Variants in SAMD3 observed in about 807,000 individuals in gnomAD.
The protein encoded by SAMD3 is sterile alpha motif domain containing 3, also known as sterile alpha motif domain-containing protein 3.
SAMD3 carries 63 observed loss-of-function variants against 58.5 expected under a neutral mutation model. The observed-to-expected ratio is 1.08, with a 90% CI of 0.88 to 1.33. The LOEUF is 1.33. Among genes scored for constraint, SAMD3 ranks in the 40% most tolerant of loss-of-function variants. The pLI is 0.00. For missense variants in SAMD3, 604 were observed against 608.4 expected, an observed-to-expected ratio of 0.99 and a Z score of 0.08; for synonymous variants, 220 against 210.3, an observed-to-expected ratio of 1.05 and a Z score of -0.40.
intron 5 of SAMD3, among the ~76,000 whole-genome samples, chr6:130,200,537 A>G (rs1794552600): frequency 7.4e-6 from 1 of 135,320 alleles, no homozygotes; most frequent in Non-Finnish European, 1.5e-5. Context: ...CAATGGAGCC[A>G]GACTCTGTCC....
In SAMD3 at chr6:130,216,366, T is replaced by A. The variant is rs1796002771; in HGVS notation, c.-22+205A>T. Among the ~76,000 whole-genome samples the A allele has an allele frequency of 2.0e-5, 3 of 152,208 alleles. No individual in the cohort carries two copies. The South Asian group carries it at 6.2e-4, about 32-fold the overall frequency. ...TTTACTTGCAAATTAAGATACTGAC[T>A]ATTCTGTAAAGACCAAGGAAAAAGC... On this transcript the variant is annotated intron_variant, in intron 2 of 11. Transcript: ENST00000439090.
intron 7 of SAMD3, among the ~76,000 whole-genome samples, chr6:130,179,583 G>C (rs1481114217): frequency 5.6e-5 from 8 of 141,992 alleles, no homozygotes. Flanking sequence ...AAATAAAAAA[G>C]GGTATGGAGA....
At chr6:130,221,055 T>C (rs141856523) in intron 1 of SAMD3, among the ~76,000 whole-genome samples, 3,113 of 151,914 alleles carry the variant, frequency 0.02, 65 homozygotes, top group Non-Finnish European at 0.032. Flanking sequence ...GGGGTTTCAC[T>C]GTGTTAGCCA....
intron 1 of SAMD3, among the ~76,000 whole-genome samples, chr6:130,337,761 C>T (rs765470551): frequency 3.9e-5 from 6 of 152,188 alleles, no homozygotes; most frequent in Non-Finnish European, 7.3e-5. Flanking sequence ...AACAAAGAGA[C>T]TGGTGGCATT....
At chr6:130,207,728 C>T (rs926203595) in intron 5 of SAMD3, among the ~76,000 whole-genome samples, 1 of 152,214 alleles carries the variant, frequency 6.6e-6, no homozygotes, top group East Asian at 1.9e-4. Flanking sequence ...ATGGATTTTG[C>T]ACCTACGACA....
intron 5 of SAMD3, among the ~76,000 whole-genome samples, chr6:130,206,684 G>A (rs1034380725): frequency 1.3e-5 from 2 of 152,192 alleles, no homozygotes; most frequent in Non-Finnish European, 2.9e-5. Context: ...GATAAGTAAA[G>A]GGCTTAGGAG....
At chr6:130,231,362 A>G (rs1174031825) in intron 2 of SAMD3, among the ~76,000 whole-genome samples, 1 of 152,096 alleles carries the variant, frequency 6.6e-6, no homozygotes, top group Non-Finnish European at 1.5e-5. Context: ...TCAGGAGTTC[A>G]TGACTAGCCT....
chr6:130,294,787 C>A, intron 2 of SAMD3, among the ~76,000 whole-genome samples: 1 of 151,604 alleles, frequency 6.6e-6, no homozygotes. Context: ...CAGTATCCAA[C>A]AATTATAGTC....
intron 1 of SAMD3, among the ~76,000 whole-genome samples, chr6:130,221,061 A>G (rs185675634): frequency 1.1e-3 from 174 of 151,956 alleles, no homozygotes; most frequent in Admixed American, 2.2e-3. Flanking sequence ...TCACTGTGTT[A>G]GCCAGGATGG....
chr6:130,198,577 C>G (rs953717714), intron 5 of SAMD3, among the ~76,000 whole-genome samples: 2 of 152,014 alleles, frequency 1.3e-5, no homozygotes, highest in Non-Finnish European at 2.9e-5. Flanking sequence ...CTAAAACAGC[C>G]CACTGATGAC....
chr6:130,175,889 T>G lies in SAMD3; in HGVS notation c.774A>C (p.Lys258Asn). The change falls in exon 8 of 12, where the codon AAA becomes AAC. Residue 258 changes from lysine to asparagine, a missense_variant. Lys to Asn is a moderately conservative substitution (Grantham distance 94). Coordinates refer to ENST00000439090, the MANE Select transcript of SAMD3 (RefSeq NM_001017373.4). ...CATCAAATCTTATATCAGCAAGAGA[T>G]TTCCTTGTCTGGCCTCTTCGGTGTC... is the stretch of plus-strand genomic sequence containing the variant. ...KFGHRRGQTR[K>N]SLADIRFDEI... 1.2e-6 allele frequency: 2 copies of G among 1,613,406 alleles called. No homozygotes were observed. Among genetic ancestry groups the G allele is most frequent in the Non-Finnish European group, 1.7e-6 (2 of 1,179,498 alleles).
chr6:130,297,196 G>A (rs2114970849), intron 2 of SAMD3, among the ~76,000 whole-genome samples: 1 of 152,230 alleles, frequency 6.6e-6, no homozygotes. Flanking sequence ...TAGTTTGTTG[G>A]CTCATACATC....
intron 1 of SAMD3, among the ~76,000 whole-genome samples, chr6:130,326,367 AT>A (rs537066801): frequency 0.062 from 7,933 of 128,690 alleles, 340 homozygotes; most frequent in African/African-American, 0.14. Flanking sequence ...ATGCCTGGTC[AT>A]TTTTTTTTTT....
intron 7 of SAMD3, among the ~76,000 whole-genome samples, chr6:130,180,209 C>T (rs1226582638): frequency 6.6e-6 from 1 of 151,802 alleles, no homozygotes; most frequent in Non-Finnish European, 1.5e-5. Flanking sequence ...CTGTCTCAAC[C>T]TCCTGGGCTC....
chr6:130,244,549 G>A (rs1773471473), intron 2 of SAMD3, among the ~76,000 whole-genome samples: 1 of 152,040 alleles, frequency 6.6e-6, no homozygotes, highest in Non-Finnish European at 1.5e-5. Flanking sequence ...AGATCAGCCT[G>A]ACCAACATGA....
chr6:130,230,579 G>A (rs1367825789), intron 2 of SAMD3, among the ~76,000 whole-genome samples: 1 of 152,058 alleles, frequency 6.6e-6, no homozygotes, highest in Non-Finnish European at 1.5e-5. Context: ...AGTAGAGACA[G>A]GTTTCACTAT....
chr6:130,332,265 G>A (rs769066264), intron 1 of SAMD3, among the ~76,000 whole-genome samples: 12 of 152,184 alleles, frequency 7.9e-5, no homozygotes, highest in Non-Finnish European at 1.6e-4. Context: ...TACTTATGGA[G>A]AAGGAAAAGA....
intron 2 of SAMD3, among the ~76,000 whole-genome samples, chr6:130,241,622 T>A (rs1018539059): frequency 6.6e-6 from 1 of 151,980 alleles, no homozygotes; most frequent in African/African-American, 2.4e-5. Context: ...TACTAATATA[T>A]AAGAAAATAT....
chr6:130,341,165 G>A (rs1273589719), intron 1 of SAMD3, among the ~76,000 whole-genome samples: 1 of 151,432 alleles, frequency 6.6e-6, no homozygotes, highest in African/African-American at 2.4e-5. Context: ...AAGAGAGGGA[G>A]GGAGGAAGGA....
Sources: allele counts gnomAD v4.1 joint callset (sites outside exome capture counted in the v4.1 genomes callset), GRCh38; gene constraint gnomAD v4.1.1; transcripts MANE v1.5; gene names NCBI Gene and HGNC (gene_info 2026-07-23, HGNC 2026-07-21).